SPICE1: variants seen among roughly 807,000 people sequenced by gnomAD.
SPICE1 encodes the protein spindle and centriole associated protein 1.
A neutral mutation model predicts 102.7 loss-of-function variants in SPICE1; 75 were observed. The ratio of observed to expected loss-of-function variants is 0.73; its 90% CI spans 0.61 to 0.88. The LOEUF is 0.88. Ranked by LOEUF, SPICE1 falls within the 40% of genes least tolerant of loss-of-function variation. SPICE1 has a pLI of 0.00. For missense variants in SPICE1, 979 were observed against 1,020.1 expected (o/e 0.96, Z 0.55); for synonymous variants, 308 against 350.3 (o/e 0.88, Z 1.35).
intron 3 of SPICE1, among the ~76,000 whole-genome samples, chr3:113,502,855 T>A (rs933243299): frequency 7.2e-5 from 11 of 152,080 alleles, no homozygotes; most frequent in African/African-American, 2.7e-4. Context: ...TATGTTTGTA[T>A]AGGGAAGTAA....
At chr3:113,475,790 T>C (rs1219395696) in intron 7 of SPICE1, among the ~76,000 whole-genome samples, 1 of 152,198 alleles carries the variant, frequency 6.6e-6, no homozygotes, top group African/African-American at 2.4e-5. Context: ...TATCTCAAAA[T>C]AATAAGAGCT....
At chr3:113,482,398 A>G (rs1041981236) in intron 7 of SPICE1, among the ~76,000 whole-genome samples, 6 of 152,116 alleles carry the variant, frequency 3.9e-5, no homozygotes, top group Admixed American at 3.3e-4. Context: ...GCTGTGCAGG[A>G]GCTCTTTAGT....
In SPICE1 at chr3:113,476,198, A is replaced by C. The variant is rs1377801890; in HGVS notation, c.612-6960T>G. The stretch of plus-strand genomic sequence containing the variant: ...TCCCATTCACAATTGCTTCAAAGAG[A>C]ATAAAATACCTAGGAATCCAACTTA... On this transcript the variant is annotated intron_variant, in intron 7 of 17. Transcript: ENST00000295872. 2.0e-5 allele frequency among the ~76,000 whole-genome samples: 3 copies of C among 150,922 alleles called. 1 individual carries two copies. Among genetic ancestry groups the C allele is most frequent in the African/African-American group, 7.4e-5 (3 of 40,342 alleles).
intron 7 of SPICE1, among the ~76,000 whole-genome samples, chr3:113,471,515 T>A (rs551417426): frequency 6.6e-6 from 1 of 152,138 alleles, no homozygotes; most frequent in African/African-American, 2.4e-5. Flanking sequence ...ACCTTGACGT[T>A]GGCCTAGTGA....
Position 113,468,157 on chromosome 3 carries a change from C to A in SPICE1, c.1137G>T (p.Leu379=). ...TCCTTACCTCTTTAAGGTACCGAAC[C>A]AGGCGACAGAGGGAGCTCACCAGCG... is the stretch of plus-strand genomic sequence containing the variant. ...TLSLVSSLCR[L]VRYLKESEIQ... is the part of the protein sequence containing the mutation. The change falls in exon 10 of 18, where the codon CTG becomes CTT. Residue 379 remains leucine (L), a synonymous_variant. Coordinates refer to ENST00000295872, the MANE Select transcript of SPICE1 (RefSeq NM_144718.4). 1 of 1,614,144 alleles carries A rather than the reference C, an allele frequency of 6.2e-7. No individual in the cohort carries two copies. Among genetic ancestry groups the A allele is most frequent in the Non-Finnish European group, 8.5e-7 (1 of 1,180,020 alleles).
At chr3:113,498,019 G>A (rs1936934602) in intron 4 of SPICE1, among the ~76,000 whole-genome samples, 1 of 152,038 alleles carries the variant, frequency 6.6e-6, no homozygotes, top group African/African-American at 2.4e-5. Flanking sequence ...TGGGATTACA[G>A]GCACCCGCCA....
chr3:113,468,761 C>A lies in SPICE1; in HGVS notation c.889+1G>T. 2 of 1,611,312 alleles carry A rather than the reference C, an allele frequency of 1.2e-6. No homozygotes were observed. Among genetic ancestry groups the A allele is most frequent in the Non-Finnish European group, 1.7e-6 (2 of 1,179,342 alleles). On this transcript the variant is annotated splice_donor_variant, in intron 9 of 17. Coordinates refer to ENST00000295872, the MANE Select transcript of SPICE1 (RefSeq NM_144718.4). LOFTEE classifies it high-confidence loss of function. ...CATCTTTGTAAATTAAGGGACTGAA[C>A]CTTTATTTAACAGCTGTTTTTGCTT...
chr3:113,503,468 C>A (rs1344511438), intron 2 of SPICE1, among the ~76,000 whole-genome samples: 1 of 152,014 alleles, frequency 6.6e-6, no homozygotes, highest in East Asian at 1.9e-4. Context: ...ATTCACCAAG[C>A]AGTCATACAC....
At chr3:113,488,239 C>A (rs1025976847) in intron 7 of SPICE1, among the ~76,000 whole-genome samples, 1 of 152,046 alleles carries the variant, frequency 6.6e-6, no homozygotes, top group Non-Finnish European at 1.5e-5. Flanking sequence ...TTCTTGGGAA[C>A]CACACACTGA....
chr3:113,448,011 T>TAA (rs202122240), intron 16 of SPICE1, 27 bp downstream of exon 16: 26 of 1,540,110 alleles, frequency 1.7e-5, no homozygotes, highest in African/African-American at 2.8e-5. Flanking sequence ...TTTTTTTTTT[T>TAA]AAATAAATAT....
intron 1 of SPICE1, among the ~76,000 whole-genome samples, chr3:113,509,821 T>C (rs1937183962): frequency 6.6e-6 from 1 of 152,190 alleles, no homozygotes; most frequent in Non-Finnish European, 1.5e-5. Context: ...GTTTCCCTCT[T>C]GCTGTTTTCA....
chr3:113,471,096 T>C (rs1440052319), intron 7 of SPICE1, among the ~76,000 whole-genome samples: 3 of 152,076 alleles, frequency 2.0e-5, no homozygotes, highest in Admixed American at 1.3e-4. Context: ...TTGAAGGATA[T>C]TGGGATGGAT....
At chr3:113,453,356 C>T in intron 14 of SPICE1, 110 bp downstream of exon 14, 1 of 1,376,716 alleles carries the variant, frequency 7.3e-7, no homozygotes, top group Non-Finnish European at 9.8e-7. Flanking sequence ...AGCCATCTAG[C>T]CTCAAAGCTT....
At chr3:113,505,810 G>T (rs925105803) in intron 2 of SPICE1, among the ~76,000 whole-genome samples, 15 of 152,200 alleles carry the variant, frequency 9.9e-5, no homozygotes, top group African/African-American at 3.6e-4. Flanking sequence ...GGAGGCTAAG[G>T]CAGGAGGATT....
chr3:113,450,638 G>A (rs993975022), intron 14 of SPICE1, 122 bp from the exon 15 acceptor site: 22 of 940,982 alleles, frequency 2.3e-5, no homozygotes, highest in South Asian at 1.0e-4. Context: ...GTGCAGTGGC[G>A]CTATCTCGGC....
intron 7 of SPICE1, among the ~76,000 whole-genome samples, chr3:113,470,631 C>G (rs746306149): frequency 6.6e-6 from 1 of 152,206 alleles, no homozygotes; most frequent in Non-Finnish European, 1.5e-5. Flanking sequence ...TCTCTATCTT[C>G]CTAAGTTCAA....
At chr3:113,503,930 CTAA>C (rs1559977014) in intron 2 of SPICE1, among the ~76,000 whole-genome samples, 1 of 73,366 alleles carries the variant, frequency 1.4e-5, no homozygotes, top group African/African-American at 6.0e-5. Context: ...GAGTTTCTAT[CTAA>C]AAAAAAAAAA....
chr3:113,514,593 G>A (rs1254859864), intron 1 of SPICE1: 1 of 461,166 alleles, frequency 2.2e-6, no homozygotes, highest in Non-Finnish European at 4.3e-6. Context: ...CCCTCTGCTT[G>A]GAACACTCAT....
intron 11 of SPICE1, among the ~76,000 whole-genome samples, chr3:113,464,770 A>C (rs1021741948): frequency 6.6e-6 from 1 of 152,224 alleles, no homozygotes; most frequent in Non-Finnish European, 1.5e-5. Context: ...AGTATAAAAC[A>C]ATTTGATAAA....
Sources: gnomAD v4.1 joint callset for allele counts (sites outside exome capture counted in the v4.1 genomes callset) on GRCh38, gnomAD v4.1.1 for gene constraint, MANE v1.5 for transcripts, NCBI Gene and HGNC (gene_info 2026-07-23, HGNC 2026-07-21) for gene names.